The following SEC14L5 variants were observed in gnomAD, a reference collection of about 807,000 sequenced individuals.
The protein encoded by SEC14L5 is SEC14-like protein 5.
SEC14L5 carries 96 observed loss-of-function variants against 84.6 expected under a neutral mutation model. The ratio of observed to expected loss-of-function variants is 1.13; its 90% CI spans 0.96 to 1.34. The LOEUF is 1.34. SEC14L5 is among the 40% of genes most tolerant of loss of function. The pLI is 0.00. For synonymous variants in SEC14L5, 546 were observed against 383.4 expected, an observed-to-expected ratio of 1.42 and a Z score of -4.95; for missense variants, 1,224 against 942.5, an observed-to-expected ratio of 1.30 and a Z score of -3.91.
At position 4,998,463 on chromosome 16, in the gene SEC14L5, G is replaced by A. The variant is rs142000370; in HGVS notation, c.970+1419G>A. On this transcript the variant is annotated intron_variant, in intron 8 of 15. Coordinates refer to ENST00000251170, the MANE Select transcript of SEC14L5 (RefSeq NM_014692.2). ...TATCTAAACGTTCATCTAGGGCCGG[G>A]CGCGGTGGCTCACGCCTGTAATCCC... 6.1e-3 allele frequency among the ~76,000 whole-genome samples: 929 copies of A among 151,786 alleles called. 5 individuals are homozygous for A. Among genetic ancestry groups the A allele is most frequent in the African/African-American group, 0.021 (870 of 41,400 alleles).
At chr16:5,010,578 G>C (rs1316774144) in intron 14 of SEC14L5, among the ~76,000 whole-genome samples, 1 of 152,124 alleles carries the variant, frequency 6.6e-6, no homozygotes, top group African/African-American at 2.4e-5. Flanking sequence ...GGTGGGGAGA[G>C]GGTGGAGGGC....
At chr16:4,966,231 G>A (rs553768091) in intron 2 of SEC14L5, among the ~76,000 whole-genome samples, 4 of 149,188 alleles carry the variant, frequency 2.7e-5, no homozygotes, top group African/African-American at 9.9e-5. Flanking sequence ...CTCCCAAAGT[G>A]CTGGGATTAC....
At chr16:5,002,950 C>T (rs1321279793) in intron 10 of SEC14L5, among the ~76,000 whole-genome samples, 1 of 152,190 alleles carries the variant, frequency 6.6e-6, no homozygotes, top group Non-Finnish European at 1.5e-5. Context: ...TGGTGATGAC[C>T]TTGAGCAGTA....
intron 14 of SEC14L5, among the ~76,000 whole-genome samples, chr16:5,009,905 G>T (rs1351517361): frequency 1.3e-5 from 2 of 152,084 alleles, no homozygotes; most frequent in African/African-American, 4.8e-5. Context: ...AAGCCGCAGG[G>T]AGAAGGCAGG....
chr16:5,003,011 C>A (rs891541333), intron 10 of SEC14L5, among the ~76,000 whole-genome samples: 1 of 152,188 alleles, frequency 6.6e-6, no homozygotes, highest in African/African-American at 2.4e-5. Flanking sequence ...GAATGCTAGG[C>A]CTAAATGGCC....
intron 10 of SEC14L5, among the ~76,000 whole-genome samples, 200 bp from the exon 11 acceptor site, chr16:5,003,202 G>GT (rs1250076596): frequency 3.3e-5 from 5 of 152,250 alleles, no homozygotes; most frequent in Admixed American, 2.6e-4. Flanking sequence ...AGGGGTGCAG[G>GT]TGAGACTTGA....
Position 5,014,927 on chromosome 16 carries a change from C to A in SEC14L5, c.2048C>A (p.Ser683Tyr). 1 of 1,612,836 alleles carries A rather than the reference C, an allele frequency of 6.2e-7. No individual in the cohort carries two copies. The highest frequency in any genetic ancestry group is 8.5e-7 in the Non-Finnish European group (1 of 1,179,858). The change falls in exon 16 of 16, where the codon TCC (serine) becomes TAC (tyrosine). Residue 683 changes from serine to tyrosine, a missense_variant. Physicochemically the swap from Ser to Tyr is moderately radical, Grantham distance 144. Coordinates refer to ENST00000251170, the MANE Select transcript of SEC14L5 (RefSeq NM_014692.2). ...CAGCTCAGCGCCGCCACCTCGTCCTCCTCCTCCGGCCAGTCTCATAGCAGC... is the reference window on the plus strand; with the variant it reads ...CAGCTCAGCGCCGCCACCTCGTCCTACTCCTCCGGCCAGTCTCATAGCAGC... ...FSQLSAATSS[S>Y]SSGQSHSSSL...
chr16:4,967,557 CTTTCGT>C (rs1955216915), intron 2 of SEC14L5, among the ~76,000 whole-genome samples: 1 of 84,750 alleles, frequency 1.2e-5, no homozygotes, highest in African/African-American at 4.3e-5. Flanking sequence ...ACTTTTCTTT[CTTTCGT>C]TTTTTTTTTT....
chr16:4,990,073 T>TA (rs924165440), intron 4 of SEC14L5, among the ~76,000 whole-genome samples: 5 of 151,466 alleles, frequency 3.3e-5, no homozygotes, highest in Non-Finnish European at 5.9e-5. Flanking sequence ...TACAACTATT[T>TA]AAAAAATCTA....
intron 15 of SEC14L5, among the ~76,000 whole-genome samples, chr16:5,013,013 G>T (rs542857250): frequency 6.6e-6 from 1 of 152,072 alleles, no homozygotes; most frequent in Non-Finnish European, 1.5e-5. Context: ...CTATCATGGC[G>T]GAAGGCAAAG....
rs1420228590 is a variant in SEC14L5, at chr16:5,004,609, C to G, written c.1302+1036C>G. Among the ~76,000 whole-genome samples the G allele has an allele frequency of 3.9e-5, 6 of 151,986 alleles. 1 individual carries two copies. Among genetic ancestry groups the G allele is most frequent in the Admixed American group, 2.0e-4 (3 of 15,264 alleles). On this transcript the variant is annotated intron_variant, in intron 11 of 15. Transcript: ENST00000251170. Reference sequence around the variant, plus strand: ...GTGGGGGCAGGGAGCTACTGGGGGTCAGCCTCAGCCTCCTGGGGCCCAGCA... The same window carrying G: ...GTGGGGGCAGGGAGCTACTGGGGGTGAGCCTCAGCCTCCTGGGGCCCAGCA...
At chr16:4,976,934 C>G (rs114085129) in intron 2 of SEC14L5, among the ~76,000 whole-genome samples, 2 of 152,108 alleles carry the variant, frequency 1.3e-5, no homozygotes, top group East Asian at 1.9e-4. Flanking sequence ...TAGGCAGGGA[C>G]AAAACTAGTG....
At chr16:4,961,990 C>A (rs1237931371) in intron 2 of SEC14L5, among the ~76,000 whole-genome samples, 1 of 151,806 alleles carries the variant, frequency 6.6e-6, no homozygotes, top group African/African-American at 2.4e-5. Context: ...AACAGACACA[C>A]ACACACACAA....
At chr16:4,968,027 T>C (rs959037018) in intron 2 of SEC14L5, among the ~76,000 whole-genome samples, 9 of 144,362 alleles carry the variant, frequency 6.2e-5, no homozygotes, top group African/African-American at 2.3e-4. Flanking sequence ...TTTTATTATA[T>C]TTCTTTTTTG....
chr16:5,007,240 T>C, intron 12 of SEC14L5, 112 bp from the exon 13 acceptor site: 1 of 892,806 alleles, frequency 1.1e-6, no homozygotes, highest in Non-Finnish European at 1.7e-6. Flanking sequence ...GCCCATTCAG[T>C]AAGGGGTTGC....
intron 6 of SEC14L5, among the ~76,000 whole-genome samples, chr16:4,995,303 C>G (rs1008681681): frequency 2.6e-5 from 4 of 152,190 alleles, no homozygotes; most frequent in African/African-American, 9.7e-5. Flanking sequence ...AGTGGGGGAA[C>G]AGGACTCAAG....
chr16:4,987,553 C>T lies in SEC14L5; in HGVS notation c.64-4C>T, dbSNP rs1427915797. Reference sequence around the variant, plus strand: ...ACGGCCGCTCACTGCCGCTCTGCCCCCAGGCCTACGAGAAGCGTTTCCCCA... The same window carrying T: ...ACGGCCGCTCACTGCCGCTCTGCCCTCAGGCCTACGAGAAGCGTTTCCCCA... On this transcript the variant is annotated splice_polypyrimidine_tract_variant and splice_region_variant and intron_variant, in intron 2 of 15. Transcript: ENST00000251170. 5 of 1,549,886 alleles carry T rather than the reference C, an allele frequency of 3.2e-6. No individual in the cohort carries two copies. Among genetic ancestry groups the T allele is most frequent in the Non-Finnish European group, 4.4e-6 (5 of 1,147,868 alleles).
intron 11 of SEC14L5, among the ~76,000 whole-genome samples, chr16:5,005,209 G>C (rs1955717187): frequency 6.6e-6 from 1 of 152,138 alleles, no homozygotes; most frequent in African/African-American, 2.4e-5. Context: ...CAGCTACTTG[G>C]GAGGCTGAGG....
chr16:4,987,409 G>T, intron 2 of SEC14L5, 148 bp from the exon 3 acceptor site: 2 of 605,856 alleles, frequency 3.3e-6, no homozygotes, highest in Non-Finnish European at 5.6e-6. Context: ...AACGATTGTT[G>T]GTAATGACGG....
Sources: allele counts gnomAD v4.1 joint callset (sites outside exome capture counted in the v4.1 genomes callset), GRCh38; gene constraint gnomAD v4.1.1; transcripts MANE v1.5; gene names NCBI Gene and HGNC (gene_info 2026-07-23, HGNC 2026-07-21).